Variants in RANBP9 observed in about 807,000 individuals in gnomAD.
The protein encoded by RANBP9 is ran-binding protein 9.
RANBP9 carries 15 observed loss-of-function variants against 84.3 expected under a neutral mutation model. That is an observed-to-expected ratio of 0.18 (90% CI 0.12 to 0.27). The LOEUF (loss-of-function observed/expected upper bound fraction) is 0.27, where lower values mean the gene tolerates loss of function less well. Among genes scored for constraint, RANBP9 ranks in the 10% least tolerant of loss-of-function variants. RANBP9 has a pLI of 1.00. For missense variants in RANBP9, 809 were observed against 912.8 expected (o/e 0.89, Z 1.46); for synonymous variants, 392 against 349.6 (o/e 1.12, Z -1.35).
intron 2 of RANBP9, among the ~76,000 whole-genome samples, chr6:13,678,229 T>A (rs1375232913): frequency 1.3e-5 from 2 of 152,086 alleles, no homozygotes; most frequent in Non-Finnish European, 2.9e-5. Context: ...CTAAAAGAAA[T>A]GAGAACTTAT....
chr6:13,680,386 G>T (rs1238415617), intron 2 of RANBP9, among the ~76,000 whole-genome samples: 1 of 151,960 alleles, frequency 6.6e-6, no homozygotes, highest in South Asian at 2.1e-4. Context: ...ACAGGCAAAT[G>T]ACCAAATTTC....
At chr6:13,679,835 T>G (rs754336227) in intron 2 of RANBP9, among the ~76,000 whole-genome samples, 1 of 152,164 alleles carries the variant, frequency 6.6e-6, no homozygotes, top group Non-Finnish European at 1.5e-5. Context: ...TTTTCAATAA[T>G]ATTTCTCTTC....
intron 1 of RANBP9, among the ~76,000 whole-genome samples, chr6:13,705,976 G>A (rs750682749): frequency 3.3e-5 from 5 of 152,010 alleles, no homozygotes; most frequent in Admixed American, 1.3e-4. Context: ...CTTAAAAAGT[G>A]CAAGAAATTA....
At chr6:13,692,191 G>C (rs1766335121) in intron 2 of RANBP9, among the ~76,000 whole-genome samples, 2 of 151,966 alleles carry the variant, frequency 1.3e-5, no homozygotes, top group Non-Finnish European at 1.5e-5. Flanking sequence ...GCTGGGCCTA[G>C]AACTTTGTTC....
Position 13,696,791 on chromosome 6 carries a change from C to A in RANBP9, c.677G>T (p.Arg226Ile). 1.2e-6 allele frequency: 2 copies of A among 1,607,368 alleles called. No individual in the cohort carries two copies. The highest frequency in any genetic ancestry group is 1.7e-6 in the Non-Finnish European group (2 of 1,175,284). The change falls in exon 2 of 14, where the codon AGA (arginine) becomes ATA (isoleucine). Residue 226 changes from arginine (R) to isoleucine (I), a missense_variant. Transcript: ENST00000011619. ...YFEVKIVSKG[R>I]DGYMGIGLSA... ...CTCACCAAAATTTACTTACCCATCT[C>A]TTCCCTTACTGACAATTTTTACTTC...
intron 1 of RANBP9, among the ~76,000 whole-genome samples, chr6:13,706,682 G>A (rs1408101830): frequency 1.4e-5 from 2 of 146,712 alleles, no homozygotes; most frequent in Admixed American, 6.9e-5. Context: ...ACAGCAGAGC[G>A]AGACTCCATC....
At chr6:13,648,706 T>C (rs1186261753) in intron 5 of RANBP9, among the ~76,000 whole-genome samples, 3 of 152,172 alleles carry the variant, frequency 2.0e-5, no homozygotes, top group Non-Finnish European at 2.9e-5. Context: ...CTACATTCGA[T>C]CTCTTTTAAT....
chr6:13,662,305 G>C (rs1218465197), intron 2 of RANBP9, among the ~76,000 whole-genome samples: 1 of 152,204 alleles, frequency 6.6e-6, no homozygotes, highest in Non-Finnish European at 1.5e-5. Flanking sequence ...GAATGGCCCT[G>C]AGACAATCCA....
intron 12 of RANBP9, among the ~76,000 whole-genome samples, chr6:13,629,236 A>AC (rs1374315003): frequency 6.6e-6 from 1 of 152,250 alleles, no homozygotes; most frequent in African/African-American, 2.4e-5. Flanking sequence ...TCAGCCTCCC[A>AC]AAGTGTTGGG....
Position 13,711,738 on chromosome 6 carries a change from C to T in RANBP9, c.-233G>A, listed in dbSNP as rs938699989. Among the ~76,000 whole-genome samples the T allele has an allele frequency of 1.4e-5, 2 of 147,118 alleles. No individual in the cohort carries two copies. The highest frequency in any genetic ancestry group is 3.0e-5 in the Non-Finnish European group (2 of 66,316). ...GAACGTTGGCCGGAGCGCGGGCGCG[C>T]GGCCCGGGGACGAGGCGCCGAGGGC... On this transcript the variant is annotated 5_prime_UTR_variant, in exon 1 of 14. Transcript: ENST00000011619.
intron 1 of RANBP9, among the ~76,000 whole-genome samples, chr6:13,702,043 A>G (rs953306590): frequency 2.6e-5 from 4 of 152,324 alleles, no homozygotes; most frequent in Admixed American, 6.5e-5. Flanking sequence ...GTAAAGGGAC[A>G]ATGTCCCCAA....
intron 13 of RANBP9, among the ~76,000 whole-genome samples, chr6:13,623,026 C>G (rs1764497967): frequency 6.6e-6 from 1 of 152,166 alleles, no homozygotes; most frequent in Non-Finnish European, 1.5e-5. Flanking sequence ...AGAGAACATA[C>G]AGCAGAGCCA....
At chr6:13,676,397 C>A (rs1243317664) in intron 2 of RANBP9, among the ~76,000 whole-genome samples, 2 of 152,082 alleles carry the variant, frequency 1.3e-5, no homozygotes, top group Non-Finnish European at 2.9e-5. Flanking sequence ...AATAACACAA[C>A]TGTCTCCAAT....
chr6:13,678,820 C>T (rs1364286114), intron 2 of RANBP9, among the ~76,000 whole-genome samples: 1 of 152,148 alleles, frequency 6.6e-6, no homozygotes, highest in South Asian at 2.1e-4. Flanking sequence ...GCCTTATTCT[C>T]ATATCCCCCT....
At chr6:13,698,941 G>A (rs1288093803) in intron 1 of RANBP9, among the ~76,000 whole-genome samples, 1 of 152,144 alleles carries the variant, frequency 6.6e-6, no homozygotes, top group African/African-American at 2.4e-5. Context: ...ATATCCCCAT[G>A]TCCTATTCTG....
At chr6:13,650,867 G>A (rs932834240) in intron 5 of RANBP9, among the ~76,000 whole-genome samples, 1 of 152,092 alleles carries the variant, frequency 6.6e-6, no homozygotes, top group East Asian at 1.9e-4. Context: ...GGGAGTCTGA[G>A]GTAGGAGGAT....
chr6:13,679,926 CA>C (rs1000463040), intron 2 of RANBP9, among the ~76,000 whole-genome samples: 3 of 151,256 alleles, frequency 2.0e-5, no homozygotes, highest in Non-Finnish European at 2.9e-5. Context: ...ATAAATCGGT[CA>C]AAAAATAGTG....
chr6:13,657,334 T>C, intron 3 of RANBP9, 58 bp from the exon 4 acceptor site: 2 of 1,406,668 alleles, frequency 1.4e-6, no homozygotes, highest in Admixed American at 1.9e-5. Context: ...TGTACTAGGT[T>C]TATTCACTAA....
intron 6 of RANBP9, among the ~76,000 whole-genome samples, 162 bp downstream of exon 6, chr6:13,644,383 G>A (rs1262213252): frequency 2.6e-5 from 4 of 152,090 alleles, no homozygotes; most frequent in African/African-American, 9.7e-5. Flanking sequence ...TGTTTAAATA[G>A]TGGAGTAAAT....
Sources: gnomAD v4.1 joint callset for allele counts (sites outside exome capture counted in the v4.1 genomes callset) on GRCh38, gnomAD v4.1.1 for gene constraint, MANE v1.5 for transcripts, NCBI Gene and HGNC (gene_info 2026-07-23, HGNC 2026-07-21) for gene names.